Variants in LTBP2 observed in about 807,000 individuals in gnomAD.
The protein encoded by LTBP2 is latent-transforming growth factor beta-binding protein 2.
LTBP2 carries 103 observed loss-of-function variants against 210.6 expected under a neutral mutation model. The ratio of observed to expected loss-of-function variants is 0.49; its 90% CI spans 0.42 to 0.58. The LOEUF (loss-of-function observed/expected upper bound fraction) is 0.58, where lower values mean the gene tolerates loss of function less well. Among genes scored for constraint, LTBP2 ranks in the 20% least tolerant of loss-of-function variants. The probability of loss-of-function intolerance (pLI) is 0.00; values close to 1 mark genes in which losing one functional copy is unlikely to be tolerated. For missense variants in LTBP2, 2,313 were observed against 2,494.5 expected (o/e 0.93, Z 1.55); for synonymous variants, 1,007 against 1,015.0 (o/e 0.99, Z 0.15).
Position 74,552,155 on chromosome 14 carries a change from G to C in LTBP2, c.1399+32C>G, listed in dbSNP as rs369442781. 4.9e-5 allele frequency: 77 copies of C among 1,557,156 alleles called. No individual in the cohort carries two copies. In the African/African-American group the frequency reaches 8.2e-4, roughly 17 times the overall value. On this transcript the variant is annotated intron_variant, in intron 6 of 35. Transcript: ENST00000261978. The stretch of plus-strand genomic sequence containing the variant: ...TCCACCCAACTGGCACTCCTCCCAG[G>C]GTCCCGCCGGCCCAGCTGTGCCGGC...
At chr14:74,507,917 G>C in intron 25 of LTBP2, 56 bp downstream of exon 25, 1 of 1,609,176 alleles carries the variant, frequency 6.2e-7, no homozygotes, top group African/African-American at 1.3e-5. Flanking sequence ...GGACCAGGCA[G>C]TGTAGAGATG....
At position 74,499,393 on chromosome 14, in the gene LTBP2, TAAATG is replaced by T; in HGVS notation, c.*1486_*1490del. The T allele has an allele frequency of 4.5e-6, 1 of 223,946 alleles. No individual in the cohort carries two copies. Among genetic ancestry groups the T allele is most frequent in the Non-Finnish European group, 8.9e-6 (1 of 112,028 alleles). The allele number at this position is 223,946 out of a possible 1,614,324, so 13.9% of individuals were successfully genotyped here. A position where few individuals can be genotyped will look rare whatever the true frequency, so the allele number is the denominator to read the frequency against. ...ATAGTAAGTAGGATTATTGGATAATTAAATGAAATGTATGTATGGCACTCAGCACA... is the reference window on the plus strand; with the variant it reads ...ATAGTAAGTAGGATTATTGGATAATTAAATGTATGTATGGCACTCAGCACA... On this transcript the variant is annotated 3_prime_UTR_variant, in exon 36 of 36. Transcript: ENST00000261978.
intron 3 of LTBP2, among the ~76,000 whole-genome samples, chr14:74,583,901 T>C (rs1043738147): frequency 5.3e-5 from 8 of 152,046 alleles, no homozygotes; most frequent in African/African-American, 1.9e-4. Flanking sequence ...TAGGGAAAAA[T>C]GGAGAACCCA....
At chr14:74,544,256 T>C (rs2165199) in intron 8 of LTBP2, among the ~76,000 whole-genome samples, 145,982 of 152,298 alleles carry the variant, frequency 0.96, 70,137 homozygotes, top group Non-Finnish European at 1. Flanking sequence ...TTCCCCAAGC[T>C]GGGGTCCTCC....
intron 18 of LTBP2, among the ~76,000 whole-genome samples, chr14:74,516,168 G>A (rs1181608094): frequency 6.6e-6 from 1 of 152,230 alleles, no homozygotes; most frequent in Non-Finnish European, 1.5e-5. Flanking sequence ...CCAGTCTCGA[G>A]AGCAAATGCC....
chr14:74,603,130 A>AT (rs558301209), intron 2 of LTBP2, among the ~76,000 whole-genome samples: 23 of 151,498 alleles, frequency 1.5e-4, no homozygotes, highest in South Asian at 6.2e-4. Context: ...AGCTGGAGGC[A>AT]TTTTTTTTTC....
chr14:74,530,351 T>C (rs1462065484), intron 10 of LTBP2, among the ~76,000 whole-genome samples: 1 of 152,186 alleles, frequency 6.6e-6, no homozygotes, highest in Non-Finnish European at 1.5e-5. Context: ...TTTATTGAGT[T>C]TGCAAGGCTG....
chr14:74,528,443 GA>G (rs1372974506), intron 12 of LTBP2, 39 bp downstream of exon 12: 5 of 1,606,980 alleles, frequency 3.1e-6, no homozygotes, highest in Non-Finnish European at 4.3e-6. Context: ...AAACTTAGGG[GA>G]AAGGAAAATC....
chr14:74,603,916 T>C (rs1480718103), intron 1 of LTBP2, among the ~76,000 whole-genome samples: 3 of 152,144 alleles, frequency 2.0e-5, no homozygotes, highest in African/African-American at 4.8e-5. Context: ...TCTCCATCTG[T>C]ACAATGGAGA....
At chr14:74,568,943 T>C (rs902114786) in intron 3 of LTBP2, among the ~76,000 whole-genome samples, 6 of 152,076 alleles carry the variant, frequency 3.9e-5, no homozygotes, top group African/African-American at 1.2e-4. Context: ...AAAATAGTCA[T>C]GGAAAACTCC....
At position 74,503,555 on chromosome 14, in the gene LTBP2, G is replaced by A. The variant is rs761539350; in HGVS notation, c.4634C>T (p.Thr1545Met). The change falls in exon 32 of 36, where the codon ACG becomes ATG. Residue 1545 changes from threonine to methionine, a missense_variant. Thr to Met is a moderately conservative substitution (Grantham distance 81, BLOSUM62 -1). Transcript: ENST00000261978. ...GCAGAAGCAGTGGAAGGAGCCCTCC[G>A]TGTTGACGCACTCGCCATTCTCACA... is the stretch of plus-strand genomic sequence containing the variant. The part of the protein sequence containing the change: ...LACENGECVN[T>M]EGSFHCFCSP... The A allele has an allele frequency of 1.3e-5, 21 of 1,613,716 alleles. No individual in the cohort carries two copies. Among genetic ancestry groups the A allele is most frequent in the South Asian group, 3.3e-5 (3 of 91,056 alleles).
intron 12 of LTBP2, among the ~76,000 whole-genome samples, chr14:74,527,809 G>A (rs1462899240): frequency 6.6e-6 from 1 of 152,214 alleles, no homozygotes; most frequent in Non-Finnish European, 1.5e-5. Context: ...AGGAAGGAGT[G>A]GAATTGCTCC....
chr14:74,587,405 C>T (rs2088221953), intron 2 of LTBP2, among the ~76,000 whole-genome samples: 1 of 151,804 alleles, frequency 6.6e-6, no homozygotes, highest in Admixed American at 6.6e-5. Flanking sequence ...GAAGACAACC[C>T]AGGTGATGCA....
intron 11 of LTBP2, 47 bp from the exon 12 acceptor site, chr14:74,528,745 C>T (rs1167217548): frequency 1.3e-6 from 2 of 1,595,114 alleles, no homozygotes; most frequent in East Asian, 4.5e-5. Context: ...GCTGTTCCTG[C>T]AGGAAACCAG....
At position 74,498,650 on chromosome 14, in the gene LTBP2, TGTG is replaced by T. The variant is rs2086877239; in HGVS notation, c.*2231_*2233del. 4.3e-6 allele frequency: 1 copy of T among 232,006 alleles called. No homozygotes were observed. The highest frequency in any genetic ancestry group is 1.8e-4 in the South Asian group (1 of 5,534). The allele number at this position is 232,006 out of a possible 1,614,324, so 14.4% of individuals were successfully genotyped here. On this transcript the variant is annotated 3_prime_UTR_variant, in exon 36 of 36. Transcript: ENST00000261978. Reference sequence around the variant, plus strand: ...GGCAGGAAGGTGGAGATTGGAGTGTTGTGGGGGCAGTGGGAACAGCAGTTACGA... The same window carrying T: ...GGCAGGAAGGTGGAGATTGGAGTGTTGGGGCAGTGGGAACAGCAGTTACGA...
chr14:74,559,748 G>A (rs1050896492), intron 3 of LTBP2: 1 of 152,200 alleles, frequency 6.6e-6, no homozygotes, highest in African/African-American at 2.4e-5. Flanking sequence ...AATCCTGTTT[G>A]CATGTTCTTT....
chr14:74,571,469 T>C (rs931720124), intron 3 of LTBP2, among the ~76,000 whole-genome samples: 30 of 152,208 alleles, frequency 2.0e-4, no homozygotes, highest in Non-Finnish European at 4.0e-4. Context: ...ATGAGAACAC[T>C]GAAGCTCACA....
intron 18 of LTBP2, among the ~76,000 whole-genome samples, chr14:74,513,003 G>T (rs1468786513): frequency 3.3e-5 from 5 of 152,202 alleles, no homozygotes; most frequent in Non-Finnish European, 7.3e-5. Flanking sequence ...GATGCCAGAT[G>T]ATCTCTTCCA....
At chr14:74,525,675 T>C (rs981425678) in intron 14 of LTBP2, among the ~76,000 whole-genome samples, 2 of 152,222 alleles carry the variant, frequency 1.3e-5, no homozygotes, top group Admixed American at 6.5e-5. Flanking sequence ...AAGCATGAGC[T>C]CAGCCTTCCA....
Sources: gnomAD v4.1 joint callset for allele counts (sites outside exome capture counted in the v4.1 genomes callset) on GRCh38, gnomAD v4.1.1 for gene constraint, MANE v1.5 for transcripts, NCBI Gene and HGNC (gene_info 2026-07-23, HGNC 2026-07-21) for gene names.